ADCY9: variants seen among roughly 807,000 people sequenced by gnomAD.
The protein encoded by ADCY9 is adenylate cyclase 9, also known as adenylate cyclase type 9.
In ADCY9, 50 loss-of-function variants were observed where a neutral mutation model predicts 101.5. The ratio of observed to expected loss-of-function variants is 0.49; its 90% CI spans 0.39 to 0.62. The LOEUF (loss-of-function observed/expected upper bound fraction) is 0.62, where lower values mean the gene tolerates loss of function less well. Among genes scored for constraint, ADCY9 ranks in the 20% least tolerant of loss-of-function variants. ADCY9 has a pLI of 0.00. For missense variants in ADCY9, 1,662 were observed against 1,800.4 expected (o/e 0.92, Z 1.39); for synonymous variants, 905 against 769.3 (o/e 1.18, Z -2.92).
chr16:4,054,601 C>T (rs1356707358), intron 2 of ADCY9, among the ~76,000 whole-genome samples: 2 of 151,064 alleles, frequency 1.3e-5, no homozygotes, highest in Non-Finnish European at 2.9e-5. Flanking sequence ...GACGGACTCT[C>T]GCTCTGTCAC....
At chr16:4,061,883 C>T (rs2056775656) in intron 2 of ADCY9, among the ~76,000 whole-genome samples, 1 of 152,112 alleles carries the variant, frequency 6.6e-6, no homozygotes, top group East Asian at 1.9e-4. Flanking sequence ...ATAACAATAA[C>T]TACAGACTTT....
chr16:4,051,522 T>TAA (rs537295838), intron 2 of ADCY9, among the ~76,000 whole-genome samples: 12 of 122,272 alleles, frequency 9.8e-5, no homozygotes, highest in African/African-American at 1.2e-4. Context: ...AGACTCCATC[T>TAA]AAAAAAAAAA....
intron 2 of ADCY9, among the ~76,000 whole-genome samples, chr16:4,040,629 G>C (rs1199191337): frequency 1.3e-5 from 2 of 152,070 alleles, no homozygotes; most frequent in Non-Finnish European, 2.9e-5. Context: ...GTTAATTTTT[G>C]TATTTTTAGT....
At chr16:3,955,865 T>A (rs977592965) in intron 5 of ADCY9, among the ~76,000 whole-genome samples, 1 of 131,630 alleles carries the variant, frequency 7.6e-6, no homozygotes, top group African/African-American at 3.1e-5. Flanking sequence ...TAGGTTTTTT[T>A]AAAGCTTAAA....
At chr16:4,076,496 A>G (rs2141174382) in intron 2 of ADCY9, among the ~76,000 whole-genome samples, 1 of 152,324 alleles carries the variant, frequency 6.6e-6, no homozygotes, top group Non-Finnish European at 1.5e-5. Flanking sequence ...CAGACGAATG[A>G]TTTTTCTTGC....
chr16:4,082,197 G>A (rs145787118), intron 2 of ADCY9, among the ~76,000 whole-genome samples: 250 of 151,950 alleles, frequency 1.6e-3, no homozygotes, highest in Non-Finnish European at 2.7e-3. Flanking sequence ...GCAACATAGC[G>A]AGACCCTGTC....
intron 7 of ADCY9, 131 bp downstream of exon 7, chr16:3,983,101 G>A: frequency 3.5e-6 from 3 of 863,610 alleles, no homozygotes; most frequent in South Asian, 3.6e-5. Context: ...AGGACACGGG[G>A]ACCCATCTCC....
intron 2 of ADCY9, among the ~76,000 whole-genome samples, chr16:4,038,849 C>T (rs912798378): frequency 2.0e-5 from 3 of 152,074 alleles, no homozygotes; most frequent in Admixed American, 1.3e-4. Flanking sequence ...TGCCTGAACC[C>T]TGAATGTCTC....
intron 2 of ADCY9, among the ~76,000 whole-genome samples, chr16:4,033,473 C>A (rs563848288): frequency 2.1e-5 from 3 of 145,966 alleles, no homozygotes; most frequent in African/African-American, 7.9e-5. Flanking sequence ...CTTGCTCTGT[C>A]GCCAGGCCAG....
chr16:4,044,488 C>G (rs7193439), intron 2 of ADCY9, among the ~76,000 whole-genome samples: 33,913 of 152,122 alleles, frequency 0.22, 5,887 homozygotes, highest in African/African-American at 0.48. Context: ...CAAAAAAAGG[C>G]TTCCCATATA....
At chr16:4,007,885 C>T (rs1005471694) in intron 2 of ADCY9, among the ~76,000 whole-genome samples, 3 of 152,110 alleles carry the variant, frequency 2.0e-5, no homozygotes, top group African/African-American at 7.2e-5. Context: ...GTGAAGGCAG[C>T]AAAGCAGATT....
At chr16:4,109,436 C>G (rs1416995563) in intron 2 of ADCY9, among the ~76,000 whole-genome samples, 1 of 152,192 alleles carries the variant, frequency 6.6e-6, no homozygotes, top group Non-Finnish European at 1.5e-5. Flanking sequence ...CAGAACCGTG[C>G]CTGGCACGGA....
intron 2 of ADCY9, among the ~76,000 whole-genome samples, chr16:4,057,606 G>T (rs2056748477): frequency 6.6e-6 from 1 of 152,208 alleles, no homozygotes; most frequent in African/African-American, 2.4e-5. Flanking sequence ...GGCTCCTACA[G>T]TGGTTGACGA....
chr16:4,042,023 A>G (rs2056630962), intron 2 of ADCY9, among the ~76,000 whole-genome samples: 1 of 147,676 alleles, frequency 6.8e-6, no homozygotes, highest in Non-Finnish European at 1.5e-5. Context: ...TCCCGGGTTC[A>G]AGCAGATCTC....
At chr16:4,004,725 G>A (rs952120036) in intron 3 of ADCY9, among the ~76,000 whole-genome samples, 4 of 152,188 alleles carry the variant, frequency 2.6e-5, no homozygotes, top group African/African-American at 7.2e-5. Flanking sequence ...ATTTAAGATC[G>A]TGTATGTTAC....
downstream of ADCY9, among the ~76,000 whole-genome samples, chr16:3,960,705 C>T (rs143729275): frequency 3.3e-4 from 50 of 152,184 alleles, no homozygotes; most frequent in Non-Finnish European, 4.9e-4. Context: ...CTAACAGGCA[C>T]GCGGATTACT....
rs1203445175 is a variant in ADCY9, at chr16:4,114,272, C to T, written c.1171G>A (p.Glu391Lys). ...AFRPFKMQQI[E>K]EVSILFADIV... ...TCTGCAAATAAAATACTGACTTCTT[C>T]GATCTGCTGCATCTTAAAAGGGCGG... Residue 391 changes from glutamate to lysine, a missense_variant, in exon 2 of 11, where the codon GAA (glutamate) becomes AAA (lysine). This residue lies in a region of ADCY9 where 228 missense variants were observed against 301.1 expected (regional missense o/e 0.76). Coordinates refer to ENST00000294016, the MANE Select transcript of ADCY9 (RefSeq NM_001116.4). This position sits in a 1 kb window ranked among gnomAD's most constrained non-coding sequence, Gnocchi z 4.3. 6.2e-7 allele frequency: 1 copy of T among 1,613,940 alleles called. No individual in the cohort carries two copies. Among genetic ancestry groups the T allele is most frequent in the African/African-American group, 1.3e-5 (1 of 75,058 alleles).
In ADCY9 at chr16:4,058,282, G is replaced by A. The variant is rs564522682; in HGVS notation, c.1694-50724C>T. Among the ~76,000 whole-genome samples the A allele has an allele frequency of 1.5e-4, 22 of 150,416 alleles. No homozygotes were observed. The South Asian group carries it at 2.3e-3, about 16-fold the overall frequency. ...GGTTCAAAACCACCCTGGCCAACAC[G>A]GTAAAACCCCCGTCTCTACTAAAAA... On this transcript the variant is annotated intron_variant, in intron 2 of 10. Coordinates refer to ENST00000294016, the MANE Select transcript of ADCY9 (RefSeq NM_001116.4).
chr16:4,095,140 T>C (rs59700371), intron 2 of ADCY9, among the ~76,000 whole-genome samples: 6,218 of 151,790 alleles, frequency 0.041, 440 homozygotes, highest in African/African-American at 0.14. Flanking sequence ...TAACTGGGAT[T>C]ACAGGTGCGC....
Sources: gnomAD v4.1 joint callset for allele counts (sites outside exome capture counted in the v4.1 genomes callset) on GRCh38, gnomAD v4.1.1 for gene constraint, gnomAD v4.1.1 regional missense constraint, Gnocchi (gnomAD v3.1) non-coding constraint, MANE v1.5 for transcripts, NCBI Gene and HGNC (gene_info 2026-07-23, HGNC 2026-07-21) for gene names.